The following CFAP299 variants were observed in gnomAD, a reference collection of about 807,000 sequenced individuals.
CFAP299 encodes cilia- and flagella-associated protein 299.
CFAP299 carries 21 observed loss-of-function variants against 27.0 expected under a neutral mutation model. The ratio of observed to expected loss-of-function variants is 0.78; its 90% CI spans 0.55 to 1.12. CFAP299 has a LOEUF of 1.12. Ranked by LOEUF, CFAP299 falls within the 50% of genes most tolerant of loss-of-function variation. The probability of loss-of-function intolerance (pLI) is 0.00; values close to 1 mark genes in which losing one functional copy is unlikely to be tolerated. For missense variants in CFAP299, 310 were observed against 276.6 expected, an observed-to-expected ratio of 1.12 and a Z score of -0.86; for synonymous variants, 104 against 98.1, an observed-to-expected ratio of 1.06 and a Z score of -0.36.
At chr4:80,572,817 C>T (rs1029442071) in intron 2 of CFAP299, among the ~76,000 whole-genome samples, 6 of 151,900 alleles carry the variant, frequency 3.9e-5, no homozygotes, top group Admixed American at 2.6e-4. Context: ...ATGCCTGGCC[C>T]GATCTCAGCC....
chr4:80,675,991 C>T (rs747749117), intron 3 of CFAP299, among the ~76,000 whole-genome samples: 12 of 152,130 alleles, frequency 7.9e-5, no homozygotes, highest in African/African-American at 2.9e-4. Flanking sequence ...ACCCCTTGTG[C>T]TTCTCAGGTG....
intron 3 of CFAP299, among the ~76,000 whole-genome samples, chr4:80,737,168 T>C (rs1193993223): frequency 3.3e-5 from 1 of 30,476 alleles, no homozygotes; most frequent in African/African-American, 1.1e-4. Flanking sequence ...TGTTGTGGGT[T>C]GGGGGGAGGG....
intron 3 of CFAP299, among the ~76,000 whole-genome samples, chr4:80,725,479 AGCTAATTG>A (rs1723104709): frequency 6.6e-6 from 1 of 152,114 alleles, no homozygotes; most frequent in Admixed American, 6.6e-5. Context: ...AGTTCTGAAA[AGCTAATTG>A]GAAGTCTCTA....
At position 80,963,694 on chromosome 4, in the gene CFAP299, C is replaced by A; in HGVS notation, c.*82C>A. The A allele has an allele frequency of 1.2e-6, 1 of 868,938 alleles. No homozygotes were observed. The highest frequency in any genetic ancestry group is 1.8e-6 in the Non-Finnish European group (1 of 555,752). The allele number at this position is 868,938 out of a possible 1,614,324, so 53.8% of individuals were successfully genotyped here. On this transcript the variant is annotated 3_prime_UTR_variant, in exon 6 of 6. Transcript: ENST00000358105. ...GAGCAAATTAGAATAATAAATGAGC[C>A]CTGTAGCTGGAAGGCAAATTAGAAC...
chr4:80,336,171 C>T (rs1722130687), intron 1 of CFAP299, among the ~76,000 whole-genome samples: 1 of 152,228 alleles, frequency 6.6e-6, no homozygotes. Flanking sequence ...CCCCTGCCTC[C>T]TCCCAGCCCA....
chr4:80,689,127 T>C (rs1328305075), intron 3 of CFAP299, among the ~76,000 whole-genome samples: 2 of 152,162 alleles, frequency 1.3e-5, no homozygotes, highest in African/African-American at 4.8e-5. Context: ...TGCAGGATAT[T>C]ATCCAGGAGA....
chr4:80,374,260 G>A (rs1724293011), intron 2 of CFAP299, among the ~76,000 whole-genome samples: 2 of 152,122 alleles, frequency 1.3e-5, no homozygotes, highest in Admixed American at 1.3e-4. Flanking sequence ...CTCTAGTCTT[G>A]TTGGTACAAG....
intron 3 of CFAP299, among the ~76,000 whole-genome samples, chr4:80,777,866 A>G (rs1189755463): frequency 6.6e-6 from 1 of 152,130 alleles, no homozygotes; most frequent in African/African-American, 2.4e-5. Context: ...ACATGAATAG[A>G]TGAGACAAGA....
intron 3 of CFAP299, among the ~76,000 whole-genome samples, chr4:80,847,495 G>A (rs190750787): frequency 7.2e-5 from 11 of 152,214 alleles, no homozygotes; most frequent in African/African-American, 2.6e-4. Context: ...AATAGCTCCA[G>A]GTTCATGCAA....
chr4:80,633,684 A>G (rs1739335084), intron 3 of CFAP299, among the ~76,000 whole-genome samples: 1 of 152,138 alleles, frequency 6.6e-6, no homozygotes, highest in African/African-American at 2.4e-5. Flanking sequence ...CCTAAATTTT[A>G]TTTGCATCTA....
chr4:80,535,928 G>A (rs1044152285), intron 2 of CFAP299, among the ~76,000 whole-genome samples: 1 of 152,172 alleles, frequency 6.6e-6, no homozygotes, highest in African/African-American at 2.4e-5. Flanking sequence ...CACTCTAATT[G>A]TAGCATATTC....
At chr4:80,381,982 C>T (rs1436675234) in intron 2 of CFAP299, among the ~76,000 whole-genome samples, 1 of 152,056 alleles carries the variant, frequency 6.6e-6, no homozygotes, top group East Asian at 1.9e-4. Flanking sequence ...ATGTGTATAT[C>T]TTATGACAAA....
chr4:80,483,652 G>C (rs921507654), intron 2 of CFAP299, among the ~76,000 whole-genome samples: 1 of 152,026 alleles, frequency 6.6e-6, no homozygotes, highest in Non-Finnish European at 1.5e-5. Context: ...GTAACAGCCA[G>C]TTCTAAAGGG....
At chr4:80,396,757 G>A (rs1166258811) in intron 2 of CFAP299, among the ~76,000 whole-genome samples, 1 of 152,138 alleles carries the variant, frequency 6.6e-6, no homozygotes, top group Non-Finnish European at 1.5e-5. Context: ...TAAGCTTTTT[G>A]ATGTGCTGCT....
intron 3 of CFAP299, among the ~76,000 whole-genome samples, chr4:80,623,626 C>T (rs572133455): frequency 3.3e-5 from 5 of 152,098 alleles, no homozygotes; most frequent in African/African-American, 1.2e-4. Flanking sequence ...TTTTGCATTA[C>T]CCCTGTCATT....
At chr4:80,713,337 G>T (rs779118290) in intron 3 of CFAP299, among the ~76,000 whole-genome samples, 3 of 152,176 alleles carry the variant, frequency 2.0e-5, no homozygotes, top group Non-Finnish European at 2.9e-5. Context: ...ATCCAGCTGT[G>T]CAACATGCTG....
chr4:80,941,589 T>C (rs527697555), intron 4 of CFAP299, among the ~76,000 whole-genome samples: 23 of 152,326 alleles, frequency 1.5e-4, no homozygotes, highest in African/African-American at 5.1e-4. Flanking sequence ...ATCTTTCACA[T>C]ACAGCTACAG....
intron 3 of CFAP299, among the ~76,000 whole-genome samples, chr4:80,810,820 A>G (rs1473140502): frequency 2.0e-5 from 3 of 152,138 alleles, no homozygotes; most frequent in African/African-American, 7.2e-5. Context: ...CATGCATCTT[A>G]TAAAACTCAG....
intron 3 of CFAP299, among the ~76,000 whole-genome samples, chr4:80,789,225 G>A (rs1166391166): frequency 6.6e-6 from 1 of 151,262 alleles, no homozygotes; most frequent in African/African-American, 2.4e-5. Flanking sequence ...CAGCCTGCCT[G>A]GTGTGTAAGA....
Sources: gnomAD v4.1 joint callset for allele counts (sites outside exome capture counted in the v4.1 genomes callset) on GRCh38, gnomAD v4.1.1 for gene constraint, MANE v1.5 for transcripts, NCBI Gene and HGNC (gene_info 2026-07-23, HGNC 2026-07-21) for gene names.